ADAM33: variants seen among roughly 807,000 people sequenced by gnomAD.
ADAM33 encodes ADAM metallopeptidase domain 33, also known as disintegrin and metalloproteinase domain-containing protein 33.
Under a neutral mutation model 106.2 loss-of-function variants are expected in ADAM33, and 103 were observed. That is an observed-to-expected ratio of 0.97 (90% CI 0.83 to 1.14). The LOEUF (loss-of-function observed/expected upper bound fraction) is 1.14, where lower values mean the gene tolerates loss of function less well. Ranked by LOEUF, ADAM33 falls within the 50% of genes most tolerant of loss-of-function variation. The pLI is 0.00. For synonymous variants in ADAM33, 483 were observed against 453.0 expected (o/e 1.07, Z -0.84); for missense variants, 1,120 against 1,096.6 (o/e 1.02, Z -0.30).
chr20:3,668,809 G>C lies in ADAM33; in HGVS notation c.*154C>G. On this transcript the variant is annotated 3_prime_UTR_variant, in exon 22 of 22. Coordinates refer to ENST00000356518, the MANE Select transcript of ADAM33 (RefSeq NM_025220.5). ...ATGTGGCTCTGGGTTCCTGGAGTGGGTGGGTCGAAGCTCCACTCGGGGAAG... is the reference window on the plus strand; with the variant it reads ...ATGTGGCTCTGGGTTCCTGGAGTGGCTGGGTCGAAGCTCCACTCGGGGAAG... 1.2e-6 allele frequency: 1 copy of C among 868,540 alleles called. No homozygotes were observed. The highest frequency in any genetic ancestry group is 1.9e-6 in the Non-Finnish European group (1 of 525,650). 53.8% of individuals were successfully genotyped at this position (868,540 alleles called of 1,614,324 possible).
chr20:3,678,902 C>T (rs41454044), intron 2 of ADAM33, among the ~76,000 whole-genome samples: 7 of 152,082 alleles, frequency 4.6e-5, no homozygotes, highest in Non-Finnish European at 7.4e-5. Flanking sequence ...GTGTGAAGAG[C>T]GGGATTGGGA....
chr20:3,680,348 AC>A (rs1488407889), intron 1 of ADAM33, among the ~76,000 whole-genome samples: 1 of 151,960 alleles, frequency 6.6e-6, no homozygotes, highest in Non-Finnish European at 1.5e-5. Context: ...TTCCCCCGGT[AC>A]CCAGTCCCAG....
intron 1 of ADAM33, 136 bp from the exon 2 acceptor site, chr20:3,679,707 G>C (rs138079694): frequency 1.5e-6 from 1 of 689,598 alleles, no homozygotes; most frequent in Admixed American, 2.5e-5. Context: ...CCTTCAACAC[G>C]CGTGGGCTCA....
Position 3,673,899 on chromosome 20 carries a change from G to C in ADAM33, c.751C>G (p.Leu251Val), listed in dbSNP as rs770835706. The change falls in exon 9 of 22, where the codon CTG (leucine) becomes GTG (valine). Residue 251 changes from leucine to valine, a missense_variant. Leu to Val is a conservative substitution (Grantham distance 32). Transcript: ENST00000356518. Reference protein sequence around the residue: ...ANYVDQLLRTLDIQVALTGLE... With the variant: ...ANYVDQLLRTVDIQVALTGLE... ...CCGGTCAGCGCCACCTGAATGTCCA[G>C]AGTCCTGAGAAGCTGAGGGCGAGGC... 6.4e-7 allele frequency: 1 copy of C among 1,563,710 alleles called. No individual in the cohort carries two copies. The highest frequency in any genetic ancestry group is 1.4e-5 in the African/African-American group (1 of 73,646).
Position 3,669,384 on chromosome 20 carries a change from T to TG in ADAM33, c.2333-15dup. 11 of 1,600,180 alleles carry TG rather than the reference T, an allele frequency of 6.9e-6. No individual in the cohort carries two copies. Among genetic ancestry groups the TG allele is most frequent in the Non-Finnish European group, 9.4e-6 (11 of 1,175,666 alleles). On this transcript the variant is annotated splice_polypyrimidine_tract_variant and intron_variant, in intron 20 of 21. Transcript: ENST00000356518. ...AGTTCTCAGGGTCTGGGAGAAATGG[T>TG]GGAGGGTAAATGTTGTGAATATGGT...
At position 3,674,621 on chromosome 20, in the gene ADAM33, G is replaced by C. The variant is rs1460695185; in HGVS notation, c.483C>G (p.Phe161Leu). 1 of 1,612,834 alleles carries C rather than the reference G, an allele frequency of 6.2e-7. No individual in the cohort carries two copies. Among genetic ancestry groups the C allele is most frequent in the Non-Finnish European group, 8.5e-7 (1 of 1,179,706 alleles). ...CCATCCGAAAGATCTCGTGGGTTGA[G>C]AAGTCCTTGGAGCCCCGGGGTGGCC... ...RPWPPRGSKDFSTHEIFRMEQ... is the reference protein window; with the variant it reads ...RPWPPRGSKDLSTHEIFRMEQ... The change falls in exon 6 of 22, where the codon TTC becomes TTG. Residue 161 changes from phenylalanine to leucine, a missense_variant. Transcript: ENST00000356518.
At chr20:3,669,885 A>C in intron 19 of ADAM33, 2 of 429,562 alleles carry the variant, frequency 4.7e-6, no homozygotes, top group Non-Finnish European at 8.1e-6. Context: ...CATTTCCTCC[A>C]GGCTCTGACA....
Position 3,673,603 on chromosome 20 carries a change from G to A in ADAM33, c.961C>T (p.Arg321Cys), listed in dbSNP as rs765482935. 6 of 1,368,362 alleles carry A rather than the reference G, an allele frequency of 4.4e-6. No homozygotes were observed. The highest frequency in any genetic ancestry group is 1.5e-5 in the African/African-American group (1 of 64,988). The allele number at this position is 1,368,362 out of a possible 1,614,324, so 84.8% of individuals were successfully genotyped here. ...VGLAPVEGMC[R>C]AESSGGVSTD... ...CTCACGCCTCCCGAGCTCTCGGCGC[G>A]GCACATGCCCTCGACGGGCGCCAGG... The change falls in exon 10 of 22, where the codon CGC becomes TGC. Residue 321 changes from arginine to cysteine, a missense_variant. Transcript: ENST00000356518.
chr20:3,680,831 C>T (rs891917430), intron 1 of ADAM33, among the ~76,000 whole-genome samples: 5 of 152,144 alleles, frequency 3.3e-5, no homozygotes, highest in African/African-American at 7.2e-5. Context: ...GTGCTGGCCA[C>T]GGGCACCCTG....
intron 4 of ADAM33, 49 bp downstream of exon 4, chr20:3,674,978 G>A (rs745954223): frequency 1.2e-6 from 2 of 1,603,638 alleles, no homozygotes; most frequent in Non-Finnish European, 1.7e-6. Context: ...TAGGAATGGT[G>A]GGGGGGTACC....
chr20:3,679,547 G>A lies in ADAM33; in HGVS notation c.122C>T (p.Thr41Ile). The change falls in exon 2 of 22, where the codon ACC becomes ATC. Residue 41 changes from threonine to isoleucine, a missense_variant. By Grantham distance (89) the Thr-to-Ile change is moderately conservative. Coordinates refer to ENST00000356518, the MANE Select transcript of ADAM33 (RefSeq NM_025220.5). ...TTGTCCATCCAGGACCCAGTGCGGG[G>A]TGACTGGCTGCCCAGGGATATGTCC... is the stretch of plus-strand genomic sequence containing the variant. ...LQGHIPGQPV[T>I]PHWVLDGQPW... 1.2e-6 allele frequency: 2 copies of A among 1,610,196 alleles called. No homozygotes were observed. Among genetic ancestry groups the A allele is most frequent in the Non-Finnish European group, 8.5e-7 (1 of 1,178,414 alleles).
Position 3,673,909 on chromosome 20 carries a change from A to G in ADAM33, c.741T>C (p.Leu247=). 1 of 1,567,716 alleles carries G rather than the reference A, an allele frequency of 6.4e-7. No individual in the cohort carries two copies. The highest frequency in any genetic ancestry group is 8.6e-7 in the Non-Finnish European group (1 of 1,162,690). The change falls in exon 9 of 22, where the codon CTT becomes CTC. Residue 247 remains leucine, a splice_region_variant and synonymous_variant. Transcript: ENST00000356518. ...LLEVANYVDQ[L]LRTLDIQVAL... is the part of the protein sequence containing the mutation. ...CCACCTGAATGTCCAGAGTCCTGAG[A>G]AGCTGAGGGCGAGGCGGGGCTGAAG... is the stretch of plus-strand genomic sequence containing the variant.
intron 11 of ADAM33, 164 bp from the exon 12 acceptor site, chr20:3,673,062 C>A (rs2280094): frequency 0.25 from 357,026 of 1,436,850 alleles, 45,280 homozygotes; most frequent in Non-Finnish European, 0.26. Flanking sequence ...GGGGACGATG[C>A]GGCCCCAATA....
At position 3,675,376 on chromosome 20, in the gene ADAM33, A is replaced by G. The variant is rs144775700; in HGVS notation, c.255-271T>C. Among the ~76,000 whole-genome samples the G allele has an allele frequency of 1.6e-3, 251 of 152,240 alleles. 3 individuals carry two copies. The highest frequency in any genetic ancestry group is 4.8e-3 in the African/African-American group (199 of 41,526). ...GCCGGGGAGGAGTGGGAATAGGGGAAGAGTTTGTGGTTCCCAGGGGACCTG... is the reference window on the plus strand; with the variant it reads ...GCCGGGGAGGAGTGGGAATAGGGGAGGAGTTTGTGGTTCCCAGGGGACCTG... On this transcript the variant is annotated intron_variant, in intron 3 of 21. Coordinates refer to ENST00000356518, the MANE Select transcript of ADAM33 (RefSeq NM_025220.5). This position sits in a 1 kb window ranked among gnomAD's most constrained non-coding sequence, Gnocchi z 4.1.
In ADAM33 at chr20:3,672,706, G is replaced by A. The variant is rs1351960741; in HGVS notation, c.1311+15C>T. Reference sequence around the variant, plus strand: ...AGCGGAGAGGGCAAGTGGGGGCCGGGCGAGCCGACTTAACCTGGCCAGGGC... The same window carrying A: ...AGCGGAGAGGGCAAGTGGGGGCCGGACGAGCCGACTTAACCTGGCCAGGGC... On this transcript the variant is annotated intron_variant, in intron 12 of 21. Coordinates refer to ENST00000356518, the MANE Select transcript of ADAM33 (RefSeq NM_025220.5). The A allele has an allele frequency of 1.9e-6, 3 of 1,586,974 alleles. No individual in the cohort carries two copies. The highest frequency in any genetic ancestry group is 1.1e-5 in the South Asian group (1 of 88,630).
chr20:3,679,398 G>A, intron 2 of ADAM33, 94 bp downstream of exon 2: 1 of 1,342,104 alleles, frequency 7.5e-7, no homozygotes, highest in South Asian at 1.3e-5. Context: ...TGGTTCTGGG[G>A]ACCCCAGCAA....
chr20:3,673,514 G>A lies in ADAM33; in HGVS notation c.991-18C>T. The A allele has an allele frequency of 6.8e-7, 1 of 1,472,020 alleles. No individual in the cohort carries two copies. Among genetic ancestry groups the A allele is most frequent in the South Asian group, 1.4e-5 (1 of 70,046 alleles). 91.2% of individuals were successfully genotyped at this position (1,472,020 alleles called of 1,614,324 possible). A position where few individuals can be genotyped will look rare whatever the true frequency, so the allele number is the denominator to read the frequency against. On this transcript the variant is annotated intron_variant, in intron 10 of 21. Transcript: ENST00000356518. ...GAGTGGTCCTGGGGGGCCGTGGGAG[G>A]GCGGTCACTGCGGCCGTAGAGCCTC...
intron 2 of ADAM33, among the ~76,000 whole-genome samples, chr20:3,677,924 T>C (rs1466142128): frequency 1.3e-5 from 2 of 152,344 alleles, no homozygotes; most frequent in African/African-American, 4.8e-5. Flanking sequence ...AGGAGCTTCC[T>C]GGGAGGCTGC....
chr20:3,679,062 C>T (rs574282569), intron 2 of ADAM33, among the ~76,000 whole-genome samples: 5 of 151,722 alleles, frequency 3.3e-5, no homozygotes, highest in African/African-American at 9.7e-5. Context: ...CGTGGCAGGG[C>T]CCTGAGAGGG....
Sources: allele counts gnomAD v4.1 joint callset (sites outside exome capture counted in the v4.1 genomes callset), GRCh38; gene constraint gnomAD v4.1.1; non-coding constraint Gnocchi (gnomAD v3.1); transcripts MANE v1.5; gene names NCBI Gene and HGNC (gene_info 2026-07-23, HGNC 2026-07-21).